Variants in SLC11A2 observed in about 807,000 individuals in gnomAD.
SLC11A2 encodes the protein natural resistance-associated macrophage protein 2.
Under a neutral mutation model 68.0 loss-of-function variants are expected in SLC11A2, and 38 were observed. That is an observed-to-expected ratio of 0.56 (90% confidence interval 0.43 to 0.73). The LOEUF (loss-of-function observed/expected upper bound fraction) is 0.73. Among genes scored for constraint, SLC11A2 ranks in the 30% least tolerant of loss-of-function variants. The probability of loss-of-function intolerance (pLI) is 0.00; values close to 1 mark genes in which losing one functional copy is unlikely to be tolerated. For synonymous variants in SLC11A2, 242 were observed against 250.6 expected (o/e 0.97, Z 0.32); for missense variants, 517 against 690.5 (o/e 0.75, Z 2.82).
the SLC11A2 span, among the ~76,000 whole-genome samples, chr12:50,953,331 C>G: frequency 6.6e-6 from 1 of 152,220 alleles, no homozygotes; most frequent in Non-Finnish European, 1.5e-5. Flanking sequence ...TATTTGAATT[C>G]TGGGGTGAAC....
intron 1 of SLC11A2, chr12:51,026,058 A>C: frequency 9.2e-7 from 1 of 1,091,738 alleles, no homozygotes. Context: ...AAGGGGCGAG[A>C]CCCCCGCGAC....
In SLC11A2 at chr12:50,987,390, G is replaced by A. The variant is rs1288611430; in HGVS notation, c.*935C>T. 4 of 1,287,026 alleles carry A rather than the reference G, an allele frequency of 3.1e-6. No individual in the cohort carries two copies. The Admixed American group carries it at 9.2e-5, about 30-fold the overall frequency. The allele number at this position is 1,287,026 out of a possible 1,614,324, so 79.7% of individuals were successfully genotyped here. ...AAACATGACGATTCTGCTGAGAGGT[G>A]GCTTTAGGAACAAAATAGATGGCTC... is the stretch of plus-strand genomic sequence containing the variant. On this transcript the variant is annotated 3_prime_UTR_variant, in exon 16 of 16. Coordinates refer to ENST00000262052, the MANE Select transcript of SLC11A2 (RefSeq NM_000617.3).
chr12:50,955,764 T>A, the SLC11A2 span, among the ~76,000 whole-genome samples: 1 of 152,170 alleles, frequency 6.6e-6, no homozygotes. Context: ...TTCCTTAGCA[T>A]TTTTAGTTAA....
chr12:51,000,658 A>T, intron 5 of SLC11A2: 1 of 588,666 alleles, frequency 1.7e-6, no homozygotes, highest in South Asian at 2.1e-5. Flanking sequence ...CAAGGCAGTA[A>T]TTGATCTTAC....
intron 8 of SLC11A2, among the ~76,000 whole-genome samples, chr12:50,997,782 G>A (rs1399374741): frequency 6.6e-6 from 1 of 151,132 alleles, no homozygotes; most frequent in Non-Finnish European, 1.5e-5. Flanking sequence ...GAGGTCAGGA[G>A]TTCAAGACCA....
chr12:51,004,715 G>A (rs949011886), intron 5 of SLC11A2, 73 bp downstream of exon 5: 30 of 1,561,544 alleles, frequency 1.9e-5, no homozygotes, highest in Non-Finnish European at 2.6e-5. Flanking sequence ...ATAGAATGAG[G>A]CCAGCACATA....
At chr12:51,007,232 G>A (rs1051547487) in intron 3 of SLC11A2, among the ~76,000 whole-genome samples, 2 of 152,130 alleles carry the variant, frequency 1.3e-5, no homozygotes, top group African/African-American at 2.4e-5. Flanking sequence ...CAACCACCTT[G>A]GGCACATGTT....
At chr12:51,011,417 C>T (rs1029576639) in intron 1 of SLC11A2, among the ~76,000 whole-genome samples, 5 of 152,060 alleles carry the variant, frequency 3.3e-5, no homozygotes, top group Non-Finnish European at 5.9e-5. Flanking sequence ...CATGAGCCAA[C>T]GCACCTGGCC....
intron 6 of SLC11A2, 181 bp from the exon 7 acceptor site, chr12:50,999,596 A>G (rs1304302444): frequency 3.2e-6 from 2 of 633,954 alleles, no homozygotes; most frequent in Non-Finnish European, 5.6e-6. Flanking sequence ...CAACTTAATT[A>G]CATTCATTTA....
At chr12:51,005,667 A>AGGTTTAGAATAAGGTT in intron 3 of SLC11A2, 1 of 1,353,732 alleles carries the variant, frequency 7.4e-7, no homozygotes. Flanking sequence ...AGGTTCCATC[A>AGGTTTAGAATAAGGTT]GCCTCTTATT....
At chr12:50,956,536 A>G in the SLC11A2 span, among the ~76,000 whole-genome samples, 1 of 152,208 alleles carries the variant, frequency 6.6e-6, no homozygotes, top group African/African-American at 2.4e-5. Context: ...ATCTTAAGCA[A>G]CTTCCATCAT....
downstream of SLC11A2, chr12:50,981,558 A>C: frequency 1.7e-6 from 1 of 596,330 alleles, no homozygotes; most frequent in Non-Finnish European, 3.1e-6. Flanking sequence ...TCTCTGACCT[A>C]CATTTATAGC....
chr12:50,954,727 AAAAC>A, the SLC11A2 span, among the ~76,000 whole-genome samples: 7 of 152,200 alleles, frequency 4.6e-5, no homozygotes, highest in African/African-American at 1.7e-4. Flanking sequence ...CCCTGTCTCA[AAAAC>A]AAACAAACAA....
At chr12:50,967,817 A>C in the SLC11A2 span, among the ~76,000 whole-genome samples, 1 of 152,182 alleles carries the variant, frequency 6.6e-6, no homozygotes, top group Non-Finnish European at 1.5e-5. Flanking sequence ...GTAGTGATAT[A>C]TAAAAAGTGA....
chr12:51,002,976 G>A lies in SLC11A2; in HGVS notation c.429+1812C>T, dbSNP rs558820067. Among the ~76,000 whole-genome samples the A allele has an allele frequency of 2.6e-5, 4 of 151,308 alleles. No homozygotes were observed. In the South Asian group the frequency reaches 6.3e-4, roughly 24 times the overall value. On this transcript the variant is annotated intron_variant, in intron 5 of 15. Transcript: ENST00000262052. ...AACAAGGCCAGGCGCAGTGGCTCAC[G>A]TCTGTAATCCCAGCACTTTGGAAGG...
chr12:51,005,405 G>C lies in SLC11A2; in HGVS notation c.215C>G (p.Ala72Gly), dbSNP rs767601923. 2 of 1,613,964 alleles carry C rather than the reference G, an allele frequency of 1.2e-6. No individual in the cohort carries two copies. Among genetic ancestry groups the C allele is most frequent in the South Asian group, 2.2e-5 (2 of 91,072 alleles). Residue 72 changes from alanine (A) to glycine (G), a missense_variant, in exon 4 of 16, where the codon GCT becomes GGT. By Grantham distance (60) the Ala-to-Gly change is moderately conservative. Transcript: ENST00000262052. The part of the protein sequence containing the change: ...YSCFSFRKLW[A>G]FTGPGFLMSI... ...CATAAGAAAACCTGGTCCGGTGAAA[G>C]CCCAGAGTTTACGAAAGCTAAAACA...
the SLC11A2 span, among the ~76,000 whole-genome samples, chr12:50,955,594 C>T: frequency 6.6e-5 from 10 of 152,214 alleles, no homozygotes; most frequent in South Asian, 6.2e-4. Context: ...CAGATGTTCC[C>T]GTTAAGTGTT....
chr12:50,982,762 G>A (rs1445859755), downstream of SLC11A2, among the ~76,000 whole-genome samples: 1 of 151,796 alleles, frequency 6.6e-6, no homozygotes, highest in African/African-American at 2.4e-5. Flanking sequence ...TGACCAACAT[G>A]GCGAAACCCC....
At chr12:50,969,702 CAA>C in the SLC11A2 span, among the ~76,000 whole-genome samples, 1 of 112,734 alleles carries the variant, frequency 8.9e-6, no homozygotes, top group African/African-American at 3.5e-5. Context: ...GACTCCATCT[CAA>C]AAAAAAAAAA....
Sources: gnomAD v4.1 joint callset for allele counts (sites outside exome capture counted in the v4.1 genomes callset) on GRCh38, gnomAD v4.1.1 for gene constraint, MANE v1.5 for transcripts, NCBI Gene and HGNC (gene_info 2026-07-23, HGNC 2026-07-21) for gene names.